BMPR1A: variants seen among roughly 807,000 people sequenced by gnomAD.
BMPR1A encodes bone morphogenetic protein receptor type-1A.
A neutral mutation model predicts 66.0 loss-of-function variants in BMPR1A; 7 were observed. The ratio of observed to expected loss-of-function variants is 0.11; its 90% CI spans 0.06 to 0.20. The LOEUF (loss-of-function observed/expected upper bound fraction) is 0.20. Among genes scored for constraint, BMPR1A ranks in the 10% least tolerant of loss-of-function variants. BMPR1A has a pLI of 1.00. For synonymous variants in BMPR1A, 200 were observed against 229.7 expected (o/e 0.87, Z 1.17); for missense variants, 408 against 669.1 (o/e 0.61, Z 4.31).
intron 1 of BMPR1A, among the ~76,000 whole-genome samples, chr10:86,816,044 A>G (rs1589729455): frequency 6.6e-6 from 1 of 152,176 alleles, no homozygotes; most frequent in African/African-American, 2.4e-5. Context: ...CGTGTTGGAC[A>G]TATTACATGA....
chr10:86,881,377 A>G (rs1041452492), intron 3 of BMPR1A, among the ~76,000 whole-genome samples: 17 of 152,244 alleles, frequency 1.1e-4, no homozygotes, highest in Non-Finnish European at 7.3e-5. Context: ...CCTGTATCCA[A>G]TTAGTAGGTG....
chr10:86,930,645 T>G (rs1315972152), downstream of BMPR1A: 1 of 152,266 alleles, frequency 6.6e-6, no homozygotes, highest in East Asian at 1.9e-4. Context: ...CCTCTGAATC[T>G]TAGCAGCTTC....
intron 5 of BMPR1A, among the ~76,000 whole-genome samples, chr10:86,892,884 C>A (rs373818396): frequency 1.4e-5 from 2 of 147,810 alleles, no homozygotes; most frequent in Admixed American, 6.7e-5. Flanking sequence ...AAAAAAAATT[C>A]TTTTTTCTTT....
chr10:86,829,445 C>A (rs1039972205), intron 1 of BMPR1A, among the ~76,000 whole-genome samples: 13 of 152,148 alleles, frequency 8.5e-5, no homozygotes, highest in Non-Finnish European at 5.9e-5. Flanking sequence ...CTACCCACAG[C>A]ACAGCATTAA....
At chr10:86,758,278 T>G (rs1293688795) in intron 1 of BMPR1A, among the ~76,000 whole-genome samples, 1 of 152,214 alleles carries the variant, frequency 6.6e-6, no homozygotes, top group Non-Finnish European at 1.5e-5. Flanking sequence ...CTCCCCACCC[T>G]TTACAGAAGA....
chr10:86,768,635 A>C (rs1180448839), intron 1 of BMPR1A, among the ~76,000 whole-genome samples: 1 of 152,250 alleles, frequency 6.6e-6, no homozygotes, highest in African/African-American at 2.4e-5. Context: ...AGCTTAAAAG[A>C]ATAAAGAAAT....
Position 86,925,277 on chromosome 10 carries a change from G to A in BMPR1A, c.*1558G>A, listed in dbSNP as rs1589294297. Reference sequence around the variant, plus strand: ...TTTATTCTGAGCAAACAATTCATGAGTACATCAAGTGAGATAGTTTTATTT... The same window carrying A: ...TTTATTCTGAGCAAACAATTCATGAATACATCAAGTGAGATAGTTTTATTT... On this transcript the variant is annotated 3_prime_UTR_variant, in exon 13 of 13. Coordinates refer to ENST00000372037, the MANE Select transcript of BMPR1A (RefSeq NM_004329.3). The A allele has an allele frequency of 5.0e-5, 11 of 221,268 alleles. No individual in the cohort carries two copies. In the East Asian group the frequency reaches 7.9e-4, roughly 16 times the overall value. 13.7% of individuals were successfully genotyped at this position (221,268 alleles called of 1,614,324 possible).
chr10:86,931,969 A>C (rs558155536), downstream of BMPR1A: 4 of 152,084 alleles, frequency 2.6e-5, no homozygotes, highest in Non-Finnish European at 5.9e-5. Context: ...AGCCCATCTG[A>C]GTTTATTTCA....
At chr10:86,788,063 T>G (rs549361618) in intron 1 of BMPR1A, among the ~76,000 whole-genome samples, 2 of 152,208 alleles carry the variant, frequency 1.3e-5, no homozygotes, top group Non-Finnish European at 2.9e-5. Context: ...AGGGAAGTAC[T>G]GTGGGCTCAG....
intron 9 of BMPR1A, among the ~76,000 whole-genome samples, chr10:86,918,514 A>G (rs1211435399): frequency 6.6e-6 from 1 of 152,154 alleles, no homozygotes; most frequent in East Asian, 1.9e-4. Context: ...AAAAGTGTCC[A>G]CTTTTTGCTT....
At chr10:86,882,371 C>T (rs191144960) in intron 3 of BMPR1A, among the ~76,000 whole-genome samples, 2 of 151,276 alleles carry the variant, frequency 1.3e-5, no homozygotes, top group Admixed American at 6.6e-5. Context: ...TGCAGTGAGC[C>T]GAGATTGGGC....
intron 3 of BMPR1A, among the ~76,000 whole-genome samples, chr10:86,881,687 A>G (rs1842988065): frequency 6.6e-6 from 1 of 152,230 alleles, no homozygotes; most frequent in African/African-American, 2.4e-5. Context: ...GTGATCAGAA[A>G]TTCCAGACTG....
intron 1 of BMPR1A, among the ~76,000 whole-genome samples, chr10:86,825,080 CTT>C (rs35280609): frequency 6.9e-6 from 1 of 144,452 alleles, no homozygotes; most frequent in African/African-American, 2.5e-5. Flanking sequence ...AAATGACATT[CTT>C]TTTTTTTTTT....
chr10:86,821,245 T>G (rs2133007611), intron 1 of BMPR1A, among the ~76,000 whole-genome samples: 1 of 152,330 alleles, frequency 6.6e-6, no homozygotes, highest in Admixed American at 6.5e-5. Flanking sequence ...TCCTCTGGGT[T>G]TTAGTTTCCT....
chr10:86,868,857 A>C (rs554919153), intron 2 of BMPR1A, among the ~76,000 whole-genome samples: 4 of 152,000 alleles, frequency 2.6e-5, no homozygotes, highest in South Asian at 4.1e-4. Flanking sequence ...CTTTTACTTA[A>C]AAAAGAAATT....
At chr10:86,808,930 A>G (rs1589726375) in intron 1 of BMPR1A, among the ~76,000 whole-genome samples, 2 of 152,294 alleles carry the variant, frequency 1.3e-5, no homozygotes, top group East Asian at 1.9e-4. Context: ...ATAGGGATCC[A>G]GTTATCTTCC....
intron 1 of BMPR1A, among the ~76,000 whole-genome samples, chr10:86,783,287 C>T (rs371135889): frequency 1.1e-4 from 17 of 152,266 alleles, no homozygotes; most frequent in African/African-American, 3.9e-4. Context: ...AAGTGTGAAG[C>T]CTACAGTTTT....
chr10:86,777,313 T>C lies in BMPR1A; in HGVS notation c.-268+20394T>C, dbSNP rs551498528. Among the ~76,000 whole-genome samples the C allele has an allele frequency of 2.6e-5, 4 of 152,346 alleles. 1 individual carries two copies. The highest frequency in any genetic ancestry group is 7.2e-5 in the African/African-American group (3 of 41,578). On this transcript the variant is annotated intron_variant, in intron 1 of 12. Coordinates refer to ENST00000372037, the MANE Select transcript of BMPR1A (RefSeq NM_004329.3). ...ATGGATATCAACTGGGCACGGTGGC[T>C]CATGCCTGTAATCCCAGCACTTTGG...
chr10:86,865,894 C>T (rs1842780069), intron 2 of BMPR1A, among the ~76,000 whole-genome samples: 2 of 152,162 alleles, frequency 1.3e-5, no homozygotes, highest in Admixed American at 1.3e-4. Flanking sequence ...GAGGGGAGTG[C>T]AAAGCTGGGT....
Sources: gnomAD v4.1 joint callset for allele counts (sites outside exome capture counted in the v4.1 genomes callset) on GRCh38, gnomAD v4.1.1 for gene constraint, MANE v1.5 for transcripts, NCBI Gene and HGNC (gene_info 2026-07-23, HGNC 2026-07-21) for gene names.